Variants in CPLANE1 observed in about 807,000 individuals in gnomAD.
CPLANE1 encodes ciliogenesis and planar polarity effector complex subunit 1.
CPLANE1 carries 263 observed loss-of-function variants against 362.5 expected under a neutral mutation model. That is an observed-to-expected ratio of 0.73 (90% confidence interval 0.66 to 0.80). The LOEUF is 0.80. Ranked by LOEUF, CPLANE1 falls within the 30% of genes least tolerant of loss-of-function variation. The pLI is 0.00. For missense variants in CPLANE1, 3,461 were observed against 3,793.4 expected (o/e 0.91, Z 2.30); for synonymous variants, 1,212 against 1,302.6 (o/e 0.93, Z 1.50).
chr5:37,211,553 T>C (rs562826428), intron 16 of CPLANE1: 50 of 1,195,230 alleles, frequency 4.2e-5, no homozygotes, highest in Non-Finnish European at 6.2e-5. Context: ...GCGGGGGCAC[T>C]TCCTCCAGAC....
At chr5:37,158,131 C>G in intron 39 of CPLANE1, 93 bp downstream of exon 39, 1 of 1,362,528 alleles carries the variant, frequency 7.3e-7, no homozygotes, top group Non-Finnish European at 1.0e-6. Context: ...AGATTTTTAA[C>G]CTCATTTCAT....
intron 8 of CPLANE1, among the ~76,000 whole-genome samples, chr5:37,238,114 C>T (rs1471149108): frequency 2.0e-5 from 3 of 152,126 alleles, no homozygotes; most frequent in Non-Finnish European, 2.9e-5. Flanking sequence ...GAGAGTTCAA[C>T]GCTGCAGTGA....
chr5:37,082,469 GT>G, the CPLANE1 span, among the ~76,000 whole-genome samples: 1 of 152,128 alleles, frequency 6.6e-6, no homozygotes, highest in South Asian at 2.1e-4. Context: ...CAATGTGATA[GT>G]GACATAAAAA....
rs117069814 is a variant in CPLANE1 at position 37,244,420 on chromosome 5, G to A, written c.525C>T (p.Thr175=). ...CATTCACTACAGCTTCTTTATCTTCGGTGGAAGGCAAGAGAACTGCTTCTT... is the reference window on the plus strand; with the variant it reads ...CATTCACTACAGCTTCTTTATCTTCAGTGGAAGGCAAGAGAACTGCTTCTT... ...IPEEAVLLPS[T]EDKEAVVNAV... Residue 175 remains threonine, a synonymous_variant, in exon 5 of 53, where the codon ACC becomes ACT. Transcript: ENST00000651892. 80 of 1,550,490 alleles carry A rather than the reference G, an allele frequency of 5.2e-5. No individual in the cohort carries two copies. The highest frequency in any genetic ancestry group is 1.2e-4 in the Admixed American group (6 of 50,778).
Position 37,213,600 on chromosome 5 carries a change from G to A in CPLANE1, c.2879C>T (p.Pro960Leu), listed in dbSNP as rs758978371. 3.2e-6 allele frequency: 5 copies of A among 1,547,420 alleles called. No individual in the cohort carries two copies. The South Asian group carries it at 6.0e-5, about 19-fold the overall frequency. ...FTNQQLCILP[P>L]HHVNVLPPLH... ...TGGGGGAAGAACATTCACATGATGA[G>A]GGGGCAAAATGCAAAGCTGCTGATT... The change falls in exon 16 of 53, where the codon CCT becomes CTT. Residue 960 changes from proline (P) to leucine (L), a missense_variant. Pro to Leu is a moderately conservative substitution (Grantham distance 98). Transcript: ENST00000651892.
At chr5:37,213,853 A>G in intron 15 of CPLANE1, 121 bp from the exon 16 acceptor site, 2 of 654,602 alleles carry the variant, frequency 3.1e-6, no homozygotes, top group East Asian at 3.0e-5. Context: ...ATAAGCACCC[A>G]TGGCCAATAC....
At chr5:37,195,058 G>C (rs1002785553) in intron 21 of CPLANE1, among the ~76,000 whole-genome samples, 1 of 151,756 alleles carries the variant, frequency 6.6e-6, no homozygotes, top group Non-Finnish European at 1.5e-5. Context: ...GGGAGGCTGA[G>C]GCAGGAGAAT....
At chr5:37,081,905 C>T in the CPLANE1 span, among the ~76,000 whole-genome samples, 1 of 152,002 alleles carries the variant, frequency 6.6e-6, no homozygotes, top group Non-Finnish European at 1.5e-5. Context: ...CTTTGGGAGG[C>T]TGAGGCAGGT....
chr5:37,245,648 C>A, intron 3 of CPLANE1, 50 bp from the exon 4 acceptor site: 5 of 1,486,166 alleles, frequency 3.4e-6, no homozygotes, highest in Non-Finnish European at 4.5e-6. Context: ...TTTCCTTTAA[C>A]ATCACCCTAA....
chr5:37,138,802 C>G lies in CPLANE1; in HGVS notation c.8710G>C (p.Asp2904His), dbSNP rs1768671863. ...LQMTGLTDIADIIDDLIIKDG... is the reference protein window; with the variant it reads ...LQMTGLTDIAHIIDDLIIKDG... ...TTAATTATAAGGTCATCAATAATGT[C>G]TGCAATATCAGTCAATCCAGTCATC... The change falls in exon 46 of 53, where the codon GAC (aspartate) becomes CAC (histidine). Residue 2904 changes from aspartate (D) to histidine (H), a missense_variant. By Grantham distance (81) the Asp-to-His change is moderately conservative. Around this residue, in one of 2 missense-constraint regions of CPLANE1, gnomAD observed 3,380 missense variants for 3,666.1 expected, o/e 0.92. Coordinates refer to ENST00000651892, the MANE Select transcript of CPLANE1 (RefSeq NM_001384732.1). 6.2e-7 allele frequency: 1 copy of G among 1,612,924 alleles called. No homozygotes were observed. The highest frequency in any genetic ancestry group is 8.5e-7 in the Non-Finnish European group (1 of 1,179,496).
At chr5:37,197,010 G>A (rs573606145) in intron 20 of CPLANE1, among the ~76,000 whole-genome samples, 6 of 151,854 alleles carry the variant, frequency 4.0e-5, no homozygotes, top group South Asian at 2.1e-4. Context: ...ATTAATGACC[G>A]GGTTACAGGG....
At chr5:37,087,984 G>T in the CPLANE1 span, among the ~76,000 whole-genome samples, 8 of 152,124 alleles carry the variant, frequency 5.3e-5, no homozygotes. Context: ...TCAGGTGGCC[G>T]GCCAAGACAT....
rs530461451 is a variant in CPLANE1 at position 37,158,004 on chromosome 5, A to G, written c.7813-136T>C. On this transcript the variant is annotated intron_variant, in intron 39 of 52. Transcript: ENST00000651892. ...TTAAAAACAAGGAAAGAAGGGCCTGAATGTGCCTAACTTAGGAAAAGGAGC... is the reference window on the plus strand; with the variant it reads ...TTAAAAACAAGGAAAGAAGGGCCTGGATGTGCCTAACTTAGGAAAAGGAGC... 1.3e-5 allele frequency: 10 copies of G among 765,752 alleles called. No homozygotes were observed. The African/African-American group carries it at 1.4e-4, about 11-fold the overall frequency. 47.4% of individuals were successfully genotyped at this position (765,752 alleles called of 1,614,324 possible).
intron 9 of CPLANE1, among the ~76,000 whole-genome samples, chr5:37,230,221 G>GAA (rs1230592811): frequency 1.6e-5 from 2 of 121,958 alleles, no homozygotes; most frequent in Non-Finnish European, 1.8e-5. Context: ...TTTAAAAATT[G>GAA]AAAAAAAAAA....
intron 20 of CPLANE1, among the ~76,000 whole-genome samples, chr5:37,197,715 T>A (rs1787943218): frequency 6.6e-6 from 1 of 152,216 alleles, no homozygotes; most frequent in Admixed American, 6.5e-5. Flanking sequence ...TTCAGCACCA[T>A]TTTTTAATTG....
Position 37,183,195 on chromosome 5 carries a change from T to G in CPLANE1, c.4986A>C (p.Gln1662His), listed in dbSNP as rs547409263. The stretch of plus-strand genomic sequence containing the variant: ...TCTTATTGACTTCATTCGAAGGATA[T>G]TGTAAAAAAGGTTTGATCCCTTGAT... ...LVNQGIKPFL[Q>H]YPSNEVNKNE... Residue 1662 changes from glutamine to histidine, a missense_variant, in exon 26 of 53, where the codon CAA (glutamine) becomes CAC (histidine). By Grantham distance (24) the Gln-to-His change is conservative. Coordinates refer to ENST00000651892, the MANE Select transcript of CPLANE1 (RefSeq NM_001384732.1). 1,052 of 1,611,056 alleles carry G rather than the reference T, an allele frequency of 6.5e-4. 15 individuals carry two copies. In the South Asian group the frequency reaches 0.011, roughly 17 times the overall value.
chr5:37,091,697 G>C, the CPLANE1 span, among the ~76,000 whole-genome samples: 837 of 152,316 alleles, frequency 5.5e-3, 11 homozygotes, highest in African/African-American at 0.019. Flanking sequence ...GATGTAAACA[G>C]TAATGAATGG....
chr5:37,193,651 T>A (rs1171755872), intron 21 of CPLANE1, among the ~76,000 whole-genome samples: 1 of 152,122 alleles, frequency 6.6e-6, no homozygotes, highest in African/African-American at 2.4e-5. Context: ...TAAGACTCCA[T>A]CTCAAAAATA....
rs1451962517 is a variant in CPLANE1 at position 37,142,331 on chromosome 5, C to G, written c.8611G>C (p.Asp2871His). Reference sequence around the variant, plus strand: ...ATACCAGGAGAAGTAGTATTCTGATCACTGGAACTGGAAAGGCTGACAGCT... The same window carrying G: ...ATACCAGGAGAAGTAGTATTCTGATGACTGGAACTGGAAAGGCTGACAGCT... ...DSAVSLSSSS[D>H]QNTTSPGMNS... Residue 2871 changes from aspartate to histidine, a missense_variant, in exon 44 of 53, where the codon GAT becomes CAT. This residue lies in a region of CPLANE1 where 3,380 missense variants were observed against 3,666.1 expected (regional missense o/e 0.92). Transcript: ENST00000651892. The G allele has an allele frequency of 1.9e-6, 3 of 1,599,232 alleles. No homozygotes were observed. In the South Asian group the frequency reaches 3.4e-5, roughly 18 times the overall value.
Sources: allele counts gnomAD v4.1 joint callset (sites outside exome capture counted in the v4.1 genomes callset), GRCh38; gene constraint gnomAD v4.1.1; regional missense constraint gnomAD v4.1.1; transcripts MANE v1.5; gene names NCBI Gene and HGNC (gene_info 2026-07-23, HGNC 2026-07-21).